BAZ2B: variants seen among roughly 807,000 people sequenced by gnomAD.
The protein encoded by BAZ2B is bromodomain adjacent to zinc finger domain 2B.
Under a neutral mutation model 246.0 loss-of-function variants are expected in BAZ2B, and 91 were observed. That is an observed-to-expected ratio of 0.37 (90% CI 0.31 to 0.44). The LOEUF is 0.44. Ranked by LOEUF, BAZ2B falls within the 20% of genes least tolerant of loss-of-function variation. BAZ2B has a pLI of 1.00. For synonymous variants in BAZ2B, 855 were observed against 860.0 expected (o/e 0.99, Z 0.10); for missense variants, 2,332 against 2,533.7 (o/e 0.92, Z 1.71).
At chr2:159,586,227 T>C (rs983220423) in intron 1 of BAZ2B, among the ~76,000 whole-genome samples, 1 of 152,206 alleles carries the variant, frequency 6.6e-6, no homozygotes, top group East Asian at 1.9e-4. Context: ...ATTTTTTATA[T>C]CTGACACAGC....
At chr2:159,421,066 C>A (rs1374086869) in intron 13 of BAZ2B, among the ~76,000 whole-genome samples, 1 of 152,138 alleles carries the variant, frequency 6.6e-6, no homozygotes, top group Non-Finnish European at 1.5e-5. Flanking sequence ...TATCAATATG[C>A]TGAAAAGTAG....
intron 31 of BAZ2B, among the ~76,000 whole-genome samples, chr2:159,342,888 T>C (rs747939838): frequency 6.6e-6 from 1 of 152,182 alleles, no homozygotes; most frequent in Non-Finnish European, 1.5e-5. Context: ...AAAACACTAA[T>C]GATATTCTTC....
chr2:159,601,013 G>A (rs1307477827), intron 1 of BAZ2B, among the ~76,000 whole-genome samples: 2 of 152,052 alleles, frequency 1.3e-5, no homozygotes, highest in Non-Finnish European at 2.9e-5. Flanking sequence ...CACATCTTCA[G>A]GTGTGCCAAG....
intron 1 of BAZ2B, among the ~76,000 whole-genome samples, chr2:159,574,487 A>T (rs1256301143): frequency 6.6e-6 from 1 of 152,194 alleles, no homozygotes; most frequent in Non-Finnish European, 1.5e-5. Flanking sequence ...TAAGTTAAAC[A>T]GAGTTATGTC....
At chr2:159,397,601 G>T (rs1025066733) in intron 18 of BAZ2B, among the ~76,000 whole-genome samples, 2 of 151,988 alleles carry the variant, frequency 1.3e-5, no homozygotes, top group South Asian at 2.1e-4. Flanking sequence ...CATATAATAT[G>T]GTAAATATGG....
intron 6 of BAZ2B, among the ~76,000 whole-genome samples, chr2:159,439,625 C>T (rs2073014602): frequency 6.6e-6 from 1 of 152,178 alleles, no homozygotes; most frequent in Non-Finnish European, 1.5e-5. Flanking sequence ...TTACCTATAA[C>T]ATGCCACACA....
At chr2:159,408,268 G>A (rs2066269924) in intron 14 of BAZ2B, among the ~76,000 whole-genome samples, 1 of 152,124 alleles carries the variant, frequency 6.6e-6, no homozygotes, top group Admixed American at 6.5e-5. Context: ...CAACTCCTGG[G>A]CTCAAGTGAT....
chr2:159,387,422 C>T (rs1028048170), intron 21 of BAZ2B, among the ~76,000 whole-genome samples: 1 of 152,042 alleles, frequency 6.6e-6, no homozygotes, highest in African/African-American at 2.4e-5. Context: ...TAAAAAAGTA[C>T]TTTAAATTTT....
At chr2:159,636,324 C>T in the BAZ2B span, among the ~76,000 whole-genome samples, 5 of 152,144 alleles carry the variant, frequency 3.3e-5, no homozygotes, top group South Asian at 2.1e-4. Flanking sequence ...CACCTCCTGA[C>T]GGTAGTTGTG....
chr2:159,325,814 A>T lies in BAZ2B; in HGVS notation c.6048T>A (p.Asp2016Glu), dbSNP rs369418579. Reference protein sequence around the residue: ...KKVTLTGDTEDEDSASTSSSL... With the variant: ...KKVTLTGDTEEEDSASTSSSL... Reference sequence around the variant, plus strand: ...AACTACTTGTAGATGCAGAGTCTTCATCTTCAGTATCTCCTGTTAAAGTTA... The same window carrying T: ...AACTACTTGTAGATGCAGAGTCTTCTTCTTCAGTATCTCCTGTTAAAGTTA... The change falls in exon 35 of 37, where the codon GAT (aspartate) becomes GAA (glutamate). Residue 2016 changes from aspartate (D) to glutamate (E), a missense_variant. By Grantham distance (45) the Asp-to-Glu change is conservative. Around this residue, in one of 9 missense-constraint regions of BAZ2B, gnomAD observed 210 missense variants for 232.5 expected, o/e 0.90. Transcript: ENST00000392783. 1.9e-5 allele frequency: 30 copies of T among 1,609,910 alleles called. No homozygotes were observed. Among genetic ancestry groups the T allele is most frequent in the Admixed American group, 5.1e-5 (3 of 59,386 alleles).
At chr2:159,320,981 C>A (rs1278369379) in intron 36 of BAZ2B, among the ~76,000 whole-genome samples, 2 of 152,182 alleles carry the variant, frequency 1.3e-5, no homozygotes, top group African/African-American at 4.8e-5. Context: ...GTATGATGAA[C>A]CCAAACAAGC....
downstream of BAZ2B, among the ~76,000 whole-genome samples, chr2:159,317,507 A>G (rs1228232639): frequency 6.6e-6 from 1 of 152,194 alleles, no homozygotes; most frequent in Non-Finnish European, 1.5e-5. Flanking sequence ...ATATTACTTT[A>G]CTGTCTGCAT....
downstream of BAZ2B, among the ~76,000 whole-genome samples, chr2:159,315,593 A>G (rs1353145158): frequency 6.6e-6 from 1 of 152,230 alleles, no homozygotes; most frequent in East Asian, 1.9e-4. Flanking sequence ...GCCGAGAACA[A>G]GTAATCCAAG....
At chr2:159,711,289 G>A in the BAZ2B span, among the ~76,000 whole-genome samples, 1 of 152,244 alleles carries the variant, frequency 6.6e-6, no homozygotes, top group South Asian at 2.1e-4. Flanking sequence ...CATACCAGAT[G>A]CTTATTTTCA....
At chr2:159,676,579 C>G in the BAZ2B span, among the ~76,000 whole-genome samples, 6 of 149,936 alleles carry the variant, frequency 4.0e-5, no homozygotes, top group Non-Finnish European at 3.0e-5. Context: ...ACTTGGGAGG[C>G]TGAGGTGAGA....
chr2:159,688,165 G>A, the BAZ2B span, among the ~76,000 whole-genome samples: 2 of 151,936 alleles, frequency 1.3e-5, no homozygotes, highest in East Asian at 1.9e-4. Flanking sequence ...TCAGCCTTCC[G>A]AGTACCTGGG....
At chr2:159,708,291 A>C in the BAZ2B span, among the ~76,000 whole-genome samples, 1 of 152,190 alleles carries the variant, frequency 6.6e-6, no homozygotes. Flanking sequence ...ATGAGGCCTC[A>C]TGTACTTAAA....
At chr2:159,481,268 G>A (rs1364976218) in intron 2 of BAZ2B, among the ~76,000 whole-genome samples, 2 of 151,996 alleles carry the variant, frequency 1.3e-5, no homozygotes, top group Admixed American at 1.3e-4. Context: ...AGGTGAGAAG[G>A]CAATGCCTTT....
At chr2:159,475,006 A>T (rs1227875347) in intron 3 of BAZ2B, among the ~76,000 whole-genome samples, 1 of 151,278 alleles carries the variant, frequency 6.6e-6, no homozygotes, top group Non-Finnish European at 1.5e-5. Context: ...TTTCATTTCA[A>T]CCTTGGTGAA....
Sources: gnomAD v4.1 joint callset for allele counts (sites outside exome capture counted in the v4.1 genomes callset) on GRCh38, gnomAD v4.1.1 for gene constraint, gnomAD v4.1.1 regional missense constraint, MANE v1.5 for transcripts, NCBI Gene and HGNC (gene_info 2026-07-23, HGNC 2026-07-21) for gene names.